The following SLC3A1 variants were observed in gnomAD, a reference collection of about 807,000 sequenced individuals.
SLC3A1 encodes amino acid transporter heavy chain SLC3A1.
SLC3A1 carries 78 observed loss-of-function variants against 60.3 expected under a neutral mutation model. The ratio of observed to expected loss-of-function variants is 1.29; its 90% CI spans 1.08 to 1.56. The LOEUF is 1.56. Ranked by LOEUF, SLC3A1 falls within the 40% of genes most tolerant of loss-of-function variation. The pLI, the probability that SLC3A1 is intolerant of heterozygous loss-of-function variation, is 0.00. For synonymous variants in SLC3A1, 392 were observed against 307.9 expected (o/e 1.27, Z -2.86); for missense variants, 1,172 against 858.9 (o/e 1.36, Z -4.56).
chr2:44,304,813 ATTTTTTT>A lies in SLC3A1; in HGVS notation c.1332+496_1332+502del, dbSNP rs70965349. Among the ~76,000 whole-genome samples the A allele has an allele frequency of 4.6e-3, 391 of 85,870 alleles. 5 individuals carry two copies. The highest frequency in any genetic ancestry group is 0.034 in the Admixed American group (194 of 5,704). The allele number at this position is 85,870 out of a possible 152,430, so 56.3% of individuals were successfully genotyped here. On this transcript the variant is annotated intron_variant, in intron 7 of 9. Transcript: ENST00000260649. Reference sequence around the variant, plus strand: ...CTTCTGTACTACACTCTTGAAAACAATTTTTTTTTTTTTTTTTTTTTTTTTTTGAGAC... The same window carrying A: ...CTTCTGTACTACACTCTTGAAAACAATTTTTTTTTTTTTTTTTTTTGAGAC...
chr2:44,285,836 C>T, intron 3 of SLC3A1, 196 bp from the exon 4 acceptor site: 1 of 714,330 alleles, frequency 1.4e-6, no homozygotes, highest in Non-Finnish European at 2.6e-6. Context: ...AAATACGTTG[C>T]AACCATGTTT....
chr2:44,296,606 T>C (rs1243206261), intron 4 of SLC3A1, among the ~76,000 whole-genome samples: 1 of 152,208 alleles, frequency 6.6e-6, no homozygotes, highest in East Asian at 1.9e-4. Context: ...ATTCAAAATC[T>C]CAGCTTAAAG....
At chr2:44,321,854 A>T, downstream of SLC3A1, 1 of 1,613,718 alleles carries the variant, frequency 6.2e-7, no homozygotes, top group South Asian at 1.1e-5. Context: ...CAATTACATG[A>T]TTGCCTCCAG....
At chr2:44,303,619 T>C (rs1179306082) in intron 6 of SLC3A1, among the ~76,000 whole-genome samples, 4 of 152,054 alleles carry the variant, frequency 2.6e-5, no homozygotes, top group Non-Finnish European at 5.9e-5. Context: ...CTGGGGTACA[T>C]GTGTACAACA....
chr2:44,281,550 C>T lies in SLC3A1; in HGVS notation c.765+9C>T, dbSNP rs1466901825. 1.2e-6 allele frequency: 2 copies of T among 1,613,520 alleles called. No homozygotes were observed. The highest frequency in any genetic ancestry group is 1.7e-6 in the Non-Finnish European group (2 of 1,179,524). On this transcript the variant is annotated intron_variant, in intron 3 of 9. Transcript: ENST00000260649. ...TTCCACCCAACAACTGGGTAAGTATCAACCTGTCTGACTTACAAAGGGGTA... is the reference window on the plus strand; with the variant it reads ...TTCCACCCAACAACTGGGTAAGTATTAACCTGTCTGACTTACAAAGGGGTA...
chr2:44,320,062 T>C, intron 9 of SLC3A1, 137 bp from the exon 10 acceptor site: 3 of 668,260 alleles, frequency 4.5e-6, no homozygotes, highest in Non-Finnish European at 7.6e-6. Flanking sequence ...TACTTATTGA[T>C]GCTTACAATT....
At chr2:44,277,860 G>C (rs1404932280) in intron 1 of SLC3A1, among the ~76,000 whole-genome samples, 1 of 152,088 alleles carries the variant, frequency 6.6e-6, no homozygotes, top group African/African-American at 2.4e-5. Context: ...GCAATCCATA[G>C]GCATTTGTCT....
rs1672917013 is a variant in SLC3A1, at chr2:44,321,285, T to G, written c.*646T>G. On this transcript the variant is annotated 3_prime_UTR_variant, in exon 10 of 10. Transcript: ENST00000260649. ...AGTCTCAAGTTATTAATTTTTTTTT[T>G]GCTAACTCAATTGGAAGTAAGACTA... is the stretch of plus-strand genomic sequence containing the variant. The G allele has an allele frequency of 3.2e-6, 4 of 1,251,818 alleles. No individual in the cohort carries two copies. The highest frequency in any genetic ancestry group is 2.4e-5 in the Admixed American group (1 of 41,160). The allele number at this position is 1,251,818 out of a possible 1,614,324, so 77.5% of individuals were successfully genotyped here.
chr2:44,312,779 C>T lies in SLC3A1; in HGVS notation c.1500+26C>T, dbSNP rs756887158. ...GTAAGTTGAATACAACTTGACTATT[C>T]ATCACAGCTATAAAACCAAGTATTC... On this transcript the variant is annotated intron_variant, in intron 8 of 9. Coordinates refer to ENST00000260649, the MANE Select transcript of SLC3A1 (RefSeq NM_000341.4). 4.8e-3 allele frequency: 7,638 copies of T among 1,593,098 alleles called. 340 individuals carry two copies. The African/African-American group carries it at 0.089, about 19-fold the overall frequency.
At chr2:44,282,395 G>A (rs1420990379) in intron 3 of SLC3A1, among the ~76,000 whole-genome samples, 2 of 151,618 alleles carry the variant, frequency 1.3e-5, no homozygotes, top group African/African-American at 4.9e-5. Context: ...CATCGTATCT[G>A]CCTCTACCCC....
intron 4 of SLC3A1, among the ~76,000 whole-genome samples, chr2:44,289,594 T>C (rs1186692656): frequency 6.6e-6 from 1 of 152,046 alleles, no homozygotes; most frequent in Non-Finnish European, 1.5e-5. Context: ...TGGTGCCTTT[T>C]GAAGCACAAG....
intron 7 of SLC3A1, among the ~76,000 whole-genome samples, chr2:44,310,633 T>A (rs538671856): frequency 2.6e-5 from 4 of 152,192 alleles, no homozygotes; most frequent in Non-Finnish European, 5.9e-5. Flanking sequence ...TACTTGGAGT[T>A]CATTGAGGTT....
At chr2:44,292,344 T>G (rs1251665610) in intron 4 of SLC3A1, among the ~76,000 whole-genome samples, 1 of 152,180 alleles carries the variant, frequency 6.6e-6, no homozygotes, top group East Asian at 1.9e-4. Context: ...CCTGCTTGAT[T>G]AGCCATCTCT....
Position 44,320,536 on chromosome 2 carries a change from C to G in SLC3A1, c.1955C>G (p.Thr652Arg), listed in dbSNP as rs121912695. Reference protein sequence around the residue: ...KGEGLIFEHNTKNLLHRQTAF... With the variant: ...KGEGLIFEHNRKNLLHRQTAF... Reference sequence around the variant, plus strand: ...GAGGGACTCATCTTTGAACACAACACGAAGAATCTCCTTCATCGCCAAACA... The same window carrying G: ...GAGGGACTCATCTTTGAACACAACAGGAAGAATCTCCTTCATCGCCAAACA... The change falls in exon 10 of 10, where the codon ACG becomes AGG. Residue 652 changes from threonine (T) to arginine (R), a missense_variant. Coordinates refer to ENST00000260649, the MANE Select transcript of SLC3A1 (RefSeq NM_000341.4). The G allele has an allele frequency of 4.3e-6, 7 of 1,614,036 alleles. No homozygotes were observed. The highest frequency in any genetic ancestry group is 5.1e-6 in the Non-Finnish European group (6 of 1,179,934).
chr2:44,278,104 T>A lies in SLC3A1; in HGVS notation c.430+2139T>A, dbSNP rs951520429. ...TGCTGCCTGTTGATACCGTGTGAGATCTTGCAGCTACCCATATGGGGGAAC... is the reference window on the plus strand; with the variant it reads ...TGCTGCCTGTTGATACCGTGTGAGAACTTGCAGCTACCCATATGGGGGAAC... On this transcript the variant is annotated intron_variant, in intron 1 of 9. Transcript: ENST00000260649. Among the ~76,000 whole-genome samples, 7 of 152,216 alleles carry A rather than the reference T, an allele frequency of 4.6e-5. No homozygotes were observed. The East Asian group carries it at 1.4e-3, about 29-fold the overall frequency.
intron 9 of SLC3A1, chr2:44,319,865 G>T (rs1672775144): frequency 3.7e-6 from 1 of 273,382 alleles, no homozygotes. Flanking sequence ...AGCACAGAAT[G>T]ACTATGCAAG....
chr2:44,313,982 C>A (rs1672361518), intron 9 of SLC3A1, 31 bp downstream of exon 9: 2 of 1,613,496 alleles, frequency 1.2e-6, no homozygotes, highest in African/African-American at 1.3e-5. Context: ...TATGTTGATT[C>A]TAGAAACAAA....
chr2:44,278,226 C>T (rs1235122299), intron 1 of SLC3A1, among the ~76,000 whole-genome samples: 13 of 151,866 alleles, frequency 8.6e-5, no homozygotes, highest in Admixed American at 2.0e-4. Context: ...AGGTGGATCA[C>T]GAGGTCAGGA....
intron 4 of SLC3A1, among the ~76,000 whole-genome samples, chr2:44,298,071 T>G (rs973399272): frequency 6.6e-5 from 10 of 152,246 alleles, no homozygotes; most frequent in Non-Finnish European, 1.5e-4. Context: ...ACATAAGTTT[T>G]CATTTCTCTC....
Sources: gnomAD v4.1 joint callset for allele counts (sites outside exome capture counted in the v4.1 genomes callset) on GRCh38, gnomAD v4.1.1 for gene constraint, MANE v1.5 for transcripts, NCBI Gene and HGNC (gene_info 2026-07-23, HGNC 2026-07-21) for gene names.